Variants in WNT2B observed in about 807,000 individuals in gnomAD.
WNT2B encodes Wnt family member 2B.
WNT2B carries 19 observed loss-of-function variants against 40.5 expected under a neutral mutation model. That is an observed-to-expected ratio of 0.47 (90% CI 0.33 to 0.69). The LOEUF (loss-of-function observed/expected upper bound fraction) is 0.69, where lower values mean the gene tolerates loss of function less well. Ranked by LOEUF, WNT2B falls within the 30% of genes least tolerant of loss-of-function variation. The pLI is 0.02. For synonymous variants in WNT2B, 220 were observed against 211.9 expected (o/e 1.04, Z -0.33); for missense variants, 467 against 556.4 (o/e 0.84, Z 1.62).
intron 1 of WNT2B, among the ~76,000 whole-genome samples, chr1:112,510,518 C>T (rs1652312185): frequency 1.3e-5 from 2 of 152,148 alleles, no homozygotes; most frequent in South Asian, 4.1e-4. Context: ...AATGTGGTCT[C>T]TTCTCTCCTT....
At position 112,515,176 on chromosome 1, in the gene WNT2B, C is replaced by T; in HGVS notation, c.403+82C>T. 5 of 1,432,618 alleles carry T rather than the reference C, an allele frequency of 3.5e-6. No homozygotes were observed. Among genetic ancestry groups the T allele is most frequent in the Non-Finnish European group, 4.8e-6 (5 of 1,044,358 alleles). The allele number at this position is 1,432,618 out of a possible 1,614,324, so 88.7% of individuals were successfully genotyped here. On this transcript the variant is annotated intron_variant, in intron 2 of 4. Transcript: ENST00000369684. This position sits in a 1 kb window ranked among gnomAD's most constrained non-coding sequence, Gnocchi z 4.4. ...AGTGGGAAGAGTAGGCAAGATCTCCCCTCTCCTCTCCCACACACTGTTTCA... is the reference window on the plus strand; with the variant it reads ...AGTGGGAAGAGTAGGCAAGATCTCCTCTCTCCTCTCCCACACACTGTTTCA...
chr1:112,487,749 A>G (rs1178440272), intron 1 of WNT2B, among the ~76,000 whole-genome samples: 1 of 152,068 alleles, frequency 6.6e-6, no homozygotes, highest in Non-Finnish European at 1.5e-5. Context: ...CCTGGCCAAC[A>G]TGGTGAAACC....
intron 1 of WNT2B, among the ~76,000 whole-genome samples, chr1:112,478,769 A>T (rs1022678229): frequency 6.6e-6 from 1 of 152,190 alleles, no homozygotes. Flanking sequence ...AAAAAAATTT[A>T]AAAATTAGCC....
rs57837199 is a variant in WNT2B, at chr1:112,487,009, G to T, written c.-95+19418G>T. ...AAATGAGGGTATATTCTATGCAAAG[G>T]TTGTAAAATAATGTTCATAACAGTT... On this transcript the variant is annotated intron_variant, in intron 1 of 4. Transcript: ENST00000256640. 5.7e-3 allele frequency among the ~76,000 whole-genome samples: 873 copies of T among 152,200 alleles called. 8 individuals carry two copies. Among genetic ancestry groups the T allele is most frequent in the African/African-American group, 0.019 (798 of 41,540 alleles).
intron 4 of WNT2B, chr1:112,518,417 C>T (rs372447986): frequency 6.6e-6 from 1 of 152,210 alleles, no homozygotes; most frequent in Non-Finnish European, 1.5e-5. Context: ...ACTGTCATTC[C>T]TGGAAGAGTC....
intron 1 of WNT2B, among the ~76,000 whole-genome samples, chr1:112,494,393 C>T (rs57660177): frequency 4.0e-5 from 6 of 151,106 alleles, no homozygotes; most frequent in South Asian, 2.1e-4. Flanking sequence ...TTTTAAGACA[C>T]GGTCTTGCTC....
chr1:112,519,208 G>C (rs1171256099), intron 4 of WNT2B, among the ~76,000 whole-genome samples: 1 of 152,100 alleles, frequency 6.6e-6, no homozygotes, highest in Non-Finnish European at 1.5e-5. Flanking sequence ...AAAACAATTT[G>C]AGCATATATC....
rs1211770905 is a variant in WNT2B, at chr1:112,494,443, A to C, written c.-94-20431A>C. Among the ~76,000 whole-genome samples the C allele has an allele frequency of 4.6e-5, 7 of 151,508 alleles. No homozygotes were observed. In the East Asian group the frequency reaches 1.3e-3, roughly 29 times the overall value. On this transcript the variant is annotated intron_variant, in intron 1 of 4. Transcript: ENST00000256640. ...GAGTACAGTGGCACAATCATGGCTC[A>C]CTGCAACCATGACCTCCTGGGCTCC...
Position 112,508,991 on chromosome 1 carries a change from G to T in WNT2B, c.-272G>T. The T allele has an allele frequency of 7.7e-7, 1 of 1,301,284 alleles. No individual in the cohort carries two copies. Among genetic ancestry groups the T allele is most frequent in the Non-Finnish European group, 9.7e-7 (1 of 1,030,982 alleles). The allele number at this position is 1,301,284 out of a possible 1,614,324, so 80.6% of individuals were successfully genotyped here. On this transcript the variant is annotated 5_prime_UTR_variant, in exon 1 of 5. Coordinates refer to ENST00000369684, the MANE Select transcript of WNT2B (RefSeq NM_024494.3). The surrounding 1 kb of genome is among the most constrained non-coding windows in gnomAD (Gnocchi z 4.2). ...CACACTAGGCCCGCAGCTCCCTTCA[G>T]CGCCGCAGACCCCCTGACACCGCAC...
chr1:112,515,069 C>A lies in WNT2B; in HGVS notation c.378C>A (p.Thr126=), dbSNP rs142129756. ...WNCTTLDRDH[T]VFGRVMLRSS... is the part of the protein sequence containing the mutation. Reference sequence around the variant, plus strand: ...GTACCACCCTGGACCGGGACCACACCGTCTTTGGCCGTGTCATGCTCAGAA... The same window carrying A: ...GTACCACCCTGGACCGGGACCACACAGTCTTTGGCCGTGTCATGCTCAGAA... The change falls in exon 2 of 5, where the codon ACC becomes ACA. Residue 126 remains threonine (T), a synonymous_variant. Transcript: ENST00000369684. The surrounding 1 kb of genome is among the most constrained non-coding windows in gnomAD (Gnocchi z 4.4). 1 of 1,614,022 alleles carries A rather than the reference C, an allele frequency of 6.2e-7. No homozygotes were observed. The highest frequency in any genetic ancestry group is 2.2e-5 in the East Asian group (1 of 44,890).
chr1:112,508,032 G>A (rs993835952), upstream of WNT2B, among the ~76,000 whole-genome samples: 1 of 152,210 alleles, frequency 6.6e-6, no homozygotes, highest in East Asian at 2.0e-4. The surrounding 1 kb of genome is among the most constrained non-coding windows in gnomAD (Gnocchi z 4.2). Flanking sequence ...GGCGCTGTGC[G>A]GGCGGAGGGA....
chr1:112,473,826 G>A (rs1276651682), intron 1 of WNT2B, among the ~76,000 whole-genome samples: 5 of 151,748 alleles, frequency 3.3e-5, no homozygotes, highest in African/African-American at 9.7e-5. Context: ...GGAGGCCGAG[G>A]CGGGTGGATC....
upstream of WNT2B, among the ~76,000 whole-genome samples, chr1:112,504,171 C>T (rs996163860): frequency 2.0e-5 from 3 of 152,304 alleles, no homozygotes; most frequent in South Asian, 2.1e-4. Context: ...GCCACCCGCC[C>T]GGAATGGCCG....
At chr1:112,490,704 T>C (rs1651574231) in intron 1 of WNT2B, among the ~76,000 whole-genome samples, 1 of 152,100 alleles carries the variant, frequency 6.6e-6, no homozygotes, top group African/African-American at 2.4e-5. Context: ...TTAGCCAGGA[T>C]GGTCTCGATC....
chr1:112,516,015 G>T (rs1652521413), intron 2 of WNT2B, 125 bp from the exon 3 acceptor site: 5 of 1,254,462 alleles, frequency 4.0e-6, no homozygotes, highest in Non-Finnish European at 5.5e-6. Flanking sequence ...AATAAAGGGG[G>T]TGTAGGGGTG....
intron 3 of WNT2B, 73 bp downstream of exon 3, chr1:112,516,490 T>C: frequency 1.3e-6 from 2 of 1,531,510 alleles, no homozygotes; most frequent in South Asian, 1.3e-5. Context: ...ATGGACTAAA[T>C]AAATGTGAAG....
intron 1 of WNT2B, among the ~76,000 whole-genome samples, chr1:112,512,033 T>C (rs895411239): frequency 2.6e-5 from 4 of 151,672 alleles, no homozygotes; most frequent in African/African-American, 9.7e-5. Flanking sequence ...CTATATGTGC[T>C]GGGCTGAATC....
intron 1 of WNT2B, among the ~76,000 whole-genome samples, chr1:112,477,496 C>T (rs961488398): frequency 6.6e-6 from 1 of 152,110 alleles, no homozygotes; most frequent in African/African-American, 2.4e-5. Flanking sequence ...GGAAATATTA[C>T]ACCGCCAAAG....
chr1:112,486,576 A>G (rs2101060882), intron 1 of WNT2B, among the ~76,000 whole-genome samples: 1 of 152,348 alleles, frequency 6.6e-6, no homozygotes, highest in East Asian at 1.9e-4. Context: ...ACAAGCCATT[A>G]ACTAGGAGAA....
Sources: gnomAD v4.1 joint callset for allele counts (sites outside exome capture counted in the v4.1 genomes callset) on GRCh38, gnomAD v4.1.1 for gene constraint, Gnocchi (gnomAD v3.1) non-coding constraint, MANE v1.5 for transcripts, NCBI Gene and HGNC (gene_info 2026-07-23, HGNC 2026-07-21) for gene names.